KALRN: variants seen among roughly 807,000 people sequenced by gnomAD.
The protein encoded by KALRN is kalirin RhoGEF kinase.
A neutral mutation model predicts 353.7 loss-of-function variants in KALRN; 70 were observed. The ratio of observed to expected loss-of-function variants is 0.20; its 90% CI spans 0.16 to 0.24. KALRN has a LOEUF of 0.24. KALRN is among the 10% of genes least tolerant of loss of function. KALRN has a pLI of 1.00. For missense variants in KALRN, 2,791 were observed against 3,756.7 expected, an observed-to-expected ratio of 0.74 and a Z score of 6.72; for synonymous variants, 1,391 against 1,434.8, an observed-to-expected ratio of 0.97 and a Z score of 0.69.
intron 45 of KALRN, among the ~76,000 whole-genome samples, chr3:124,663,863 C>G (rs2085213851): frequency 6.6e-6 from 1 of 152,166 alleles, no homozygotes; most frequent in African/African-American, 2.4e-5. Context: ...AGTTAGCTTT[C>G]ATGCATTGGA....
intron 57 of KALRN, 98 bp from the exon 58 acceptor site, chr3:124,712,837 T>G: frequency 2.7e-6 from 2 of 733,664 alleles, no homozygotes. Flanking sequence ...CCTAATAAGA[T>G]CTATCTGACC....
At chr3:124,142,289 C>T (rs1302977675) in intron 1 of KALRN, among the ~76,000 whole-genome samples, 3 of 152,216 alleles carry the variant, frequency 2.0e-5, no homozygotes, top group Non-Finnish European at 2.9e-5. Context: ...GAGCCAGGTC[C>T]AGCACTCAGT....
intron 34 of KALRN, among the ~76,000 whole-genome samples, chr3:124,569,661 C>A (rs568751261): frequency 2.6e-5 from 4 of 152,282 alleles, no homozygotes; most frequent in African/African-American, 9.6e-5. Context: ...TGTTCTACAC[C>A]CTCCCAAGTC....
intron 52 of KALRN, among the ~76,000 whole-genome samples, 153 bp downstream of exon 52, chr3:124,693,984 G>A (rs1386536737): frequency 6.6e-6 from 1 of 152,188 alleles, no homozygotes; most frequent in African/African-American, 2.4e-5. Flanking sequence ...AGATGAAAAA[G>A]ACTAAAGCTT....
chr3:124,371,498 A>G (rs1185549605), intron 10 of KALRN, among the ~76,000 whole-genome samples: 1 of 152,160 alleles, frequency 6.6e-6, no homozygotes, highest in Non-Finnish European at 1.5e-5. Flanking sequence ...TATTTTTTTC[A>G]GGAAACTCCA....
At chr3:124,309,252 TAAAA>T (rs71145445) in intron 6 of KALRN, among the ~76,000 whole-genome samples, 1 of 146,860 alleles carries the variant, frequency 6.8e-6, no homozygotes, top group African/African-American at 2.5e-5. Flanking sequence ...AAGCTTATAT[TAAAA>T]AAAAAAAGAT....
intron 10 of KALRN, among the ~76,000 whole-genome samples, chr3:124,366,544 C>A (rs1479744982): frequency 6.7e-6 from 1 of 149,146 alleles, no homozygotes; most frequent in Non-Finnish European, 1.5e-5. Context: ...TCAACAGGAT[C>A]CCAAGGCAGA....
intron 7 of KALRN, among the ~76,000 whole-genome samples, chr3:124,327,376 T>G (rs1441549821): frequency 6.6e-6 from 1 of 152,156 alleles, no homozygotes; most frequent in Non-Finnish European, 1.5e-5. Context: ...CTCCTTAACA[T>G]AGTGAAAATA....
At chr3:124,402,792 A>G (rs1454208596) in intron 13 of KALRN, among the ~76,000 whole-genome samples, 2 of 152,188 alleles carry the variant, frequency 1.3e-5, no homozygotes, top group Non-Finnish European at 2.9e-5. Flanking sequence ...TGTGGGTTCC[A>G]TATTTCAAAT....
At chr3:124,699,797 G>A (rs2062232438) in intron 55 of KALRN, 72 bp from the exon 56 acceptor site, 1 of 1,443,474 alleles carries the variant, frequency 6.9e-7, no homozygotes, top group Non-Finnish European at 9.6e-7. Context: ...TCCTGTCTTT[G>A]TTTGCTGAAG....
At chr3:124,534,885 C>G (rs1464305840) in intron 33 of KALRN, among the ~76,000 whole-genome samples, 1 of 152,036 alleles carries the variant, frequency 6.6e-6, no homozygotes, top group African/African-American at 2.4e-5. Flanking sequence ...ATAAACAAAC[C>G]AAGCGAACCC....
rs76314989 is a variant in KALRN, at chr3:124,276,510, C to T, written c.969+7255C>T. Among the ~76,000 whole-genome samples, 5,716 of 152,260 alleles carry T rather than the reference C, an allele frequency of 0.038. 742 individuals carry two copies. In the East Asian group the frequency reaches 0.47, roughly 13 times the overall value. On this transcript the variant is annotated intron_variant, in intron 5 of 59. Coordinates refer to ENST00000682506, the MANE Select transcript of KALRN (RefSeq NM_001388419.1). ...TAGAGAAATCCTGCTGCTTCTACTTCCCTGGTGGACCCTGGCCCACTGTCT... is the reference window on the plus strand; with the variant it reads ...TAGAGAAATCCTGCTGCTTCTACTTTCCTGGTGGACCCTGGCCCACTGTCT...
chr3:124,562,644 C>T, intron 33 of KALRN, 199 bp from the exon 34 acceptor site: 4 of 384,418 alleles, frequency 1.0e-5, no homozygotes, highest in African/African-American at 2.1e-5. Context: ...TTCTTGTTTT[C>T]TTTCCTGTTC....
chr3:124,712,645 A>C (rs1382002836), intron 57 of KALRN, among the ~76,000 whole-genome samples: 18 of 128,576 alleles, frequency 1.4e-4, no homozygotes. Flanking sequence ...GCAGAGCAAG[A>C]CCCTGTCTCA....
At chr3:124,562,766 C>T in intron 33 of KALRN, 77 bp from the exon 34 acceptor site, 1 of 1,226,736 alleles carries the variant, frequency 8.2e-7, no homozygotes, top group Non-Finnish European at 1.1e-6. Flanking sequence ...CGTCCCCTCT[C>T]ACCAACCCTC....
At chr3:124,655,119 C>T (rs906653613) in intron 38 of KALRN, among the ~76,000 whole-genome samples, 2 of 152,166 alleles carry the variant, frequency 1.3e-5, no homozygotes, top group African/African-American at 2.4e-5. Flanking sequence ...CTATCCTTGT[C>T]TTGGAGGACT....
At chr3:124,335,140 A>G (rs889803511) in intron 9 of KALRN, among the ~76,000 whole-genome samples, 4 of 152,140 alleles carry the variant, frequency 2.6e-5, no homozygotes, top group African/African-American at 9.7e-5. Context: ...AATGATTGCT[A>G]GACAGCTTGG....
chr3:124,661,901 G>C lies in KALRN; in HGVS notation c.6318G>C (p.Met2106Ile), dbSNP rs2084922545. Residue 2106 changes from methionine (M) to isoleucine (I), a missense_variant, in exon 45 of 60, where the codon ATG becomes ATC. Met to Ile is a conservative substitution (Grantham distance 10). Transcript: ENST00000682506. ...CLVPKRCNDM[M>I]NLGRLQGFEG... ...TTCCCAAACGCTGCAATGACATGAT[G>C]AATCTAGGACGTCTGCAGGGCTTTG... 2 of 1,613,960 alleles carry C rather than the reference G, an allele frequency of 1.2e-6. No individual in the cohort carries two copies. The highest frequency in any genetic ancestry group is 2.2e-5 in the South Asian group (2 of 91,072).
chr3:124,364,663 G>A (rs1560687223), intron 10 of KALRN, among the ~76,000 whole-genome samples: 1 of 152,188 alleles, frequency 6.6e-6, no homozygotes, highest in Non-Finnish European at 1.5e-5. Flanking sequence ...CCCTGTTTGA[G>A]AAGTGTGTGC....
Sources: gnomAD v4.1 joint callset for allele counts (sites outside exome capture counted in the v4.1 genomes callset) on GRCh38, gnomAD v4.1.1 for gene constraint, MANE v1.5 for transcripts, NCBI Gene and HGNC (gene_info 2026-07-23, HGNC 2026-07-21) for gene names.